DGKI: variants seen among roughly 807,000 people sequenced by gnomAD.
DGKI encodes the protein DAG kinase iota.
DGKI carries 55 observed loss-of-function variants against 147.5 expected under a neutral mutation model. The ratio of observed to expected loss-of-function variants is 0.37; its 90% CI spans 0.30 to 0.47. The LOEUF (loss-of-function observed/expected upper bound fraction) is 0.47, where lower values mean the gene tolerates loss of function less well. Among genes scored for constraint, DGKI ranks in the 20% least tolerant of loss-of-function variants. The probability of loss-of-function intolerance (pLI) is 1.00; values close to 1 mark genes in which losing one functional copy is unlikely to be tolerated. For synonymous variants in DGKI, 469 were observed against 477.1 expected, an observed-to-expected ratio of 0.98 and a Z score of 0.22; for missense variants, 1,007 against 1,323.8, an observed-to-expected ratio of 0.76 and a Z score of 3.71.
rs952591022 is a variant in DGKI, at chr7:137,623,360, T to C, written c.876+123A>G. The C allele has an allele frequency of 4.6e-5, 41 of 884,364 alleles. No homozygotes were observed. In the African/African-American group the frequency reaches 5.6e-4, roughly 12 times the overall value. 54.8% of individuals were successfully genotyped at this position (884,364 alleles called of 1,614,324 possible). A position where few individuals can be genotyped will look rare whatever the true frequency, so the allele number is the denominator to read the frequency against. ...TGTCTTTCTTCCTCCAAGGATCCTA[T>C]ATGAGAAAAGCAATACATTAAATTA... On this transcript the variant is annotated intron_variant, in intron 7 of 32. Transcript: ENST00000614521.
rs1798709892 is a variant in DGKI at position 137,846,134 on chromosome 7, T to TTTCTCTCTCTCTCTCTCTCTC, written c.401+327_401+328insGAGAGAGAGAGAGAGAGAGAA. 1.2e-5 allele frequency among the ~76,000 whole-genome samples: 1 copy of TTTCTCTCTCTCTCTCTCTCTC among 85,330 alleles called. No individual in the cohort carries two copies. The highest frequency in any genetic ancestry group is 1.3e-4 in the Admixed American group (1 of 7,440). The allele number at this position is 85,330 out of a possible 152,430, so 56.0% of individuals were successfully genotyped here. Reference sequence around the variant, plus strand: ...TCTGCAACCCTTTCTCTCTCTCTCTTTCTCTCTCTCTCTCTCTCTCTCTCT... The same window carrying TTTCTCTCTCTCTCTCTCTCTC: ...TCTGCAACCCTTTCTCTCTCTCTCTTTTCTCTCTCTCTCTCTCTCTCTCTCTCTCTCTCTCTCTCTCTCTCT... On this transcript the variant is annotated intron_variant, in intron 1 of 32. Transcript: ENST00000614521. This position sits in a 1 kb window ranked among gnomAD's most constrained non-coding sequence, Gnocchi z 4.0.
chr7:137,531,463 T>C (rs1817335072), intron 20 of DGKI, among the ~76,000 whole-genome samples: 1 of 152,316 alleles, frequency 6.6e-6, no homozygotes, highest in African/African-American at 2.4e-5. Context: ...ATTCTTTTAC[T>C]GTCAGTTGGA....
chr7:137,466,088 T>C (rs1814645972), intron 25 of DGKI, 53 bp from the exon 26 acceptor site: 11 of 1,597,430 alleles, frequency 6.9e-6, no homozygotes, highest in Non-Finnish European at 8.6e-6. Flanking sequence ...CAAGTATTCT[T>C]GGTCTCGAGG....
At chr7:137,503,846 C>T (rs1240785390) in intron 21 of DGKI, among the ~76,000 whole-genome samples, 1 of 152,090 alleles carries the variant, frequency 6.6e-6, no homozygotes, top group African/African-American at 2.4e-5. Flanking sequence ...TCCTCTAAGC[C>T]TTATTTAATT....
At chr7:137,599,200 C>A (rs1310382917) in intron 11 of DGKI, among the ~76,000 whole-genome samples, 3 of 152,052 alleles carry the variant, frequency 2.0e-5, no homozygotes, top group Admixed American at 1.3e-4. Flanking sequence ...TGCCTCTCCA[C>A]CAAAGGAGAG....
intron 19 of DGKI, among the ~76,000 whole-genome samples, chr7:137,563,157 TTGTA>T (rs1288571852): frequency 6.6e-6 from 1 of 151,702 alleles, no homozygotes; most frequent in African/African-American, 2.4e-5. Context: ...AAGGGGAAAA[TTGTA>T]TGTCAATTTC....
Position 137,555,957 on chromosome 7 carries a change from T to C in DGKI, c.1948-3389A>G, listed in dbSNP as rs542819635. Among the ~76,000 whole-genome samples, 252 of 152,228 alleles carry C rather than the reference T, an allele frequency of 1.7e-3. 1 individual carries two copies. Among genetic ancestry groups the C allele is most frequent in the African/African-American group, 5.8e-3 (241 of 41,518 alleles). ...TTATCCTAAATTATATTCATGATCATAATGCCAAAATCATTTAAAAACATC... is the reference window on the plus strand; with the variant it reads ...TTATCCTAAATTATATTCATGATCACAATGCCAAAATCATTTAAAAACATC... On this transcript the variant is annotated intron_variant, in intron 19 of 32. Coordinates refer to ENST00000614521, the MANE Select transcript of DGKI (RefSeq NM_001321708.2).
intron 1 of DGKI, among the ~76,000 whole-genome samples, chr7:137,730,529 C>T (rs369637342): frequency 3.9e-5 from 6 of 152,054 alleles, no homozygotes; most frequent in East Asian, 3.9e-4. Flanking sequence ...CCATCCTTCC[C>T]AAAATATGAA....
At position 137,393,575 on chromosome 7, in the gene DGKI, T is replaced by G. The variant is rs116489964; in HGVS notation, c.3057+2023A>C. 6.5e-3 allele frequency among the ~76,000 whole-genome samples: 989 copies of G among 152,282 alleles called. 10 individuals carry two copies. Among genetic ancestry groups the G allele is most frequent in the African/African-American group, 0.023 (953 of 41,548 alleles). ...CAGGCTAAACATCAAAACATCTGAG[T>G]GCAAATAACATCTGGGAAGAACATC... On this transcript the variant is annotated intron_variant, in intron 32 of 32. Transcript: ENST00000614521.
rs1798235908 is a variant in DGKI, at chr7:137,832,075, G to T, written c.401+14387C>A. Among the ~76,000 whole-genome samples, 7 of 152,350 alleles carry T rather than the reference G, an allele frequency of 4.6e-5. No individual in the cohort carries two copies. The South Asian group carries it at 1.4e-3, about 32-fold the overall frequency. On this transcript the variant is annotated intron_variant, in intron 1 of 32. Coordinates refer to ENST00000614521, the MANE Select transcript of DGKI (RefSeq NM_001321708.2). Reference sequence around the variant, plus strand: ...CATGGTCTTGGGCAGCTCCACCCTTGTGGCTTCGCAGGGTATAGCCCCTCT... The same window carrying T: ...CATGGTCTTGGGCAGCTCCACCCTTTTGGCTTCGCAGGGTATAGCCCCTCT...
intron 1 of DGKI, among the ~76,000 whole-genome samples, chr7:137,845,303 C>A (rs1798679420): frequency 6.6e-6 from 1 of 152,180 alleles, no homozygotes; most frequent in African/African-American, 2.4e-5. Flanking sequence ...ACACCTGCCC[C>A]CATAAATAAA....
intron 20 of DGKI, among the ~76,000 whole-genome samples, chr7:137,547,651 C>G (rs1817909175): frequency 6.6e-6 from 1 of 152,138 alleles, no homozygotes; most frequent in Non-Finnish European, 1.5e-5. Flanking sequence ...CAAGATGTGA[C>G]TGTCTCAGGA....
At chr7:137,439,151 T>C (rs1238838960) in intron 28 of DGKI, among the ~76,000 whole-genome samples, 2 of 152,230 alleles carry the variant, frequency 1.3e-5, no homozygotes, top group Non-Finnish European at 2.9e-5. Context: ...TTATTTAAAC[T>C]GAGCAGATAA....
intron 3 of DGKI, among the ~76,000 whole-genome samples, chr7:137,657,807 A>G (rs546463855): frequency 6.6e-6 from 1 of 152,318 alleles, no homozygotes; most frequent in African/African-American, 2.4e-5. Flanking sequence ...CAGAGATTTG[A>G]AGAGCTGCAA....
At chr7:137,518,865 A>G (rs1816868020) in intron 21 of DGKI, among the ~76,000 whole-genome samples, 1 of 152,106 alleles carries the variant, frequency 6.6e-6, no homozygotes, top group African/African-American at 2.4e-5. Flanking sequence ...TATAAGCTTT[A>G]TTAAGGACCC....
In DGKI at chr7:137,387,382, C is replaced by T. The variant is rs1249893735; in HGVS notation, c.*3838G>A. 1 of 152,080 alleles carries T rather than the reference C, an allele frequency of 6.6e-6. No homozygotes were observed. Among genetic ancestry groups the T allele is most frequent in the Admixed American group, 6.6e-5 (1 of 15,250 alleles). The allele number at this position is 152,080 out of a possible 1,614,324, so 9.4% of individuals were successfully genotyped here. A position where few individuals can be genotyped will look rare whatever the true frequency, so the allele number is the denominator to read the frequency against. ...AATGCCATAACAGATCTAAGCCTAG[C>T]AATGGTGGAAACAAAAAAATAAATG... On this transcript the variant is annotated 3_prime_UTR_variant, in exon 33 of 33. Coordinates refer to ENST00000614521, the MANE Select transcript of DGKI (RefSeq NM_001321708.2).
chr7:137,465,750 A>G lies in DGKI; in HGVS notation c.2612+158T>C, dbSNP rs533995358. ...GTTTTGTGTTTCTTCACGGCCATTCATAAGACAGACTTATAATAACCACTC... is the reference window on the plus strand; with the variant it reads ...GTTTTGTGTTTCTTCACGGCCATTCGTAAGACAGACTTATAATAACCACTC... On this transcript the variant is annotated intron_variant, in intron 26 of 32. Transcript: ENST00000614521. Among the ~76,000 whole-genome samples, 15 of 152,372 alleles carry G rather than the reference A, an allele frequency of 9.8e-5. No individual in the cohort carries two copies. The South Asian group carries it at 2.5e-3, about 25-fold the overall frequency.
chr7:137,623,516 A>G lies in DGKI; in HGVS notation c.843T>C (p.Ile281=), dbSNP rs1336629723. ...QQKFSFHSKE[I]VAISCSWCKQ... ...TGCACCAGGAACAGCTGATAGCCAC[A>G]ATCTCTTTACTGTGGAAGGAGAACT... The change falls in exon 7 of 33, where the codon ATT becomes ATC. Residue 281 remains isoleucine, a synonymous_variant. Coordinates refer to ENST00000614521, the MANE Select transcript of DGKI (RefSeq NM_001321708.2). The G allele has an allele frequency of 6.2e-7, 1 of 1,613,966 alleles. No individual in the cohort carries two copies. Among genetic ancestry groups the G allele is most frequent in the Non-Finnish European group, 8.5e-7 (1 of 1,179,954 alleles).
chr7:137,691,798 GTTTTTTTTTT>G lies in DGKI; in HGVS notation c.402-1806_402-1797del, dbSNP rs796902464. Among the ~76,000 whole-genome samples, 294 of 95,822 alleles carry G rather than the reference GTTTTTTTTTT, an allele frequency of 3.1e-3. 3 individuals are homozygous for G. Among genetic ancestry groups the G allele is most frequent in the African/African-American group, 0.011 (280 of 25,650 alleles). The allele number at this position is 95,822 out of a possible 152,430, so 62.9% of individuals were successfully genotyped here. ...GCTCAGCAAGTGTCTAGACCTTTGGGTTTTTTTTTTTTTTTTTTTTTTTAAGCCTCTTGTA... is the reference window on the plus strand; with the variant it reads ...GCTCAGCAAGTGTCTAGACCTTTGGGTTTTTTTTTTTTTAAGCCTCTTGTA... On this transcript the variant is annotated intron_variant, in intron 1 of 32. Coordinates refer to ENST00000614521, the MANE Select transcript of DGKI (RefSeq NM_001321708.2).
Sources: gnomAD v4.1 joint callset for allele counts (sites outside exome capture counted in the v4.1 genomes callset) on GRCh38, gnomAD v4.1.1 for gene constraint, Gnocchi (gnomAD v3.1) non-coding constraint, MANE v1.5 for transcripts, NCBI Gene and HGNC (gene_info 2026-07-23, HGNC 2026-07-21) for gene names.